DNAH5: variants seen among roughly 807,000 people sequenced by gnomAD.
The protein encoded by DNAH5 is dynein axonemal heavy chain 5.
Under a neutral mutation model 518.2 loss-of-function variants are expected in DNAH5, and 372 were observed. The ratio of observed to expected loss-of-function variants is 0.72; its 90% CI spans 0.66 to 0.78. The LOEUF is 0.78. Among genes scored for constraint, DNAH5 ranks in the 30% least tolerant of loss-of-function variants. The pLI is 0.00. For missense variants in DNAH5, 5,523 were observed against 5,687.0 expected (o/e 0.97, Z 0.93); for synonymous variants, 2,039 against 2,025.9 (o/e 1.01, Z -0.17).
Position 13,770,910 on chromosome 5 carries a change from G to C in DNAH5, c.9444C>G (p.Cys3148Trp). ...CCACCCCATCCTGGAAGGAGCCCAT[G>C]CATTGGACCACCTCCTTCTTGATTT... ...SLEIKKEVVQ[C>W]MGSFQDGVAE... The change falls in exon 56 of 79, where the codon TGC becomes TGG. Residue 3148 changes from cysteine to tryptophan, a missense_variant. Cys to Trp is a radical substitution (Grantham distance 215). Transcript: ENST00000265104. 6.2e-7 allele frequency: 1 copy of C among 1,614,124 alleles called. No homozygotes were observed. The highest frequency in any genetic ancestry group is 8.5e-7 in the Non-Finnish European group (1 of 1,180,000).
At chr5:13,822,231 G>C (rs1161166138) in intron 40 of DNAH5, among the ~76,000 whole-genome samples, 3 of 145,112 alleles carry the variant, frequency 2.1e-5, no homozygotes, top group Admixed American at 2.0e-4. Flanking sequence ...GCTACATTTT[G>C]ATTTCCTTTT....
At chr5:13,754,138 G>A in intron 62 of DNAH5, 65 bp downstream of exon 62, 1 of 1,593,176 alleles carries the variant, frequency 6.3e-7, no homozygotes, top group Non-Finnish European at 8.6e-7. Context: ...TTTGATTAAA[G>A]TATAAGCTTT....
rs112128031 is a variant in DNAH5, at chr5:13,902,263, G to T, written c.1645-125C>A. 9.2e-3 allele frequency: 6,496 copies of T among 706,950 alleles called. 81 individuals are homozygous for T. Among genetic ancestry groups the T allele is most frequent in the Middle Eastern group, 0.04 (152 of 3,846 alleles). 43.8% of individuals were successfully genotyped at this position (706,950 alleles called of 1,614,324 possible). ...ATGGAACAAAATGTAACCGAAAATT[G>T]AATGAGCTTAAAAGAAAAATAAATG... is the stretch of plus-strand genomic sequence containing the variant. On this transcript the variant is annotated intron_variant, in intron 12 of 78. Transcript: ENST00000265104.
chr5:13,816,431 T>TA (rs1761448282), intron 42 of DNAH5, among the ~76,000 whole-genome samples: 1 of 151,842 alleles, frequency 6.6e-6, no homozygotes, highest in African/African-American at 2.4e-5. Context: ...CTATTTAAAA[T>TA]AAAATGCTTT....
At chr5:13,781,058 G>C in intron 52 of DNAH5, 99 bp from the exon 53 acceptor site, 1 of 1,349,438 alleles carries the variant, frequency 7.4e-7, no homozygotes, top group Non-Finnish European at 1.0e-6. Context: ...TATTATTTTG[G>C]AAGATATAGG....
At chr5:13,893,916 G>GAAA (rs55894242) in intron 16 of DNAH5, among the ~76,000 whole-genome samples, 14 of 127,372 alleles carry the variant, frequency 1.1e-4, no homozygotes, top group Admixed American at 1.6e-4. Context: ...GTCTTTCTGA[G>GAAA]AAAAAAAAAA....
intron 29 of DNAH5, among the ~76,000 whole-genome samples, chr5:13,859,987 A>AT (rs1768171729): frequency 6.6e-6 from 1 of 152,146 alleles, no homozygotes; most frequent in African/African-American, 2.4e-5. Context: ...TTCATATAAT[A>AT]TGGAGCTTTT....
chr5:13,755,991 T>C (rs144702324), intron 61 of DNAH5, among the ~76,000 whole-genome samples: 1 of 152,018 alleles, frequency 6.6e-6, no homozygotes, highest in Non-Finnish European at 1.5e-5. Flanking sequence ...GTTCCGTGAG[T>C]TCCCCCCAGC....
chr5:13,954,450 G>T (rs1251587822), intron 1 of DNAH5, among the ~76,000 whole-genome samples: 1 of 152,204 alleles, frequency 6.6e-6, no homozygotes, highest in South Asian at 2.1e-4. Context: ...ATAAAACTCA[G>T]TTTTGAAGTT....
intron 76 of DNAH5, among the ~76,000 whole-genome samples, chr5:13,706,564 A>G (rs548740743): frequency 3.3e-5 from 5 of 152,320 alleles, no homozygotes; most frequent in African/African-American, 1.2e-4. Context: ...ACATCTCCCC[A>G]TAACATGGGT....
intron 21 of DNAH5, among the ~76,000 whole-genome samples, chr5:13,882,024 G>A (rs1771746449): frequency 6.6e-6 from 1 of 151,954 alleles, no homozygotes. Flanking sequence ...AAATTATCAT[G>A]AGAATGCTAA....
At chr5:13,744,649 G>A (rs182921194) in intron 65 of DNAH5, among the ~76,000 whole-genome samples, 6 of 151,920 alleles carry the variant, frequency 3.9e-5, no homozygotes, top group Admixed American at 6.6e-5. Context: ...AAATTTACAC[G>A]TACAGGGTGG....
intron 12 of DNAH5, among the ~76,000 whole-genome samples, chr5:13,905,759 A>G (rs1309275075): frequency 6.6e-6 from 1 of 152,212 alleles, no homozygotes; most frequent in Non-Finnish European, 1.5e-5. Context: ...TGATCCAGCA[A>G]TCATACTTCT....
intron 30 of DNAH5, among the ~76,000 whole-genome samples, chr5:13,859,002 T>A (rs992303599): frequency 1.3e-5 from 2 of 152,148 alleles, no homozygotes; most frequent in Non-Finnish European, 2.9e-5. Context: ...TTTTGGAGAT[T>A]TTTTCTGCAC....
chr5:13,893,354 C>G (rs1009678145), intron 16 of DNAH5, among the ~76,000 whole-genome samples: 6 of 151,980 alleles, frequency 3.9e-5, no homozygotes, highest in Non-Finnish European at 7.4e-5. Flanking sequence ...GGGGTAGGAA[C>G]AGGGTTACAG....
At chr5:13,803,633 G>C (rs539303837) in intron 47 of DNAH5, among the ~76,000 whole-genome samples, 1 of 152,164 alleles carries the variant, frequency 6.6e-6, no homozygotes, top group Non-Finnish European at 1.5e-5. Flanking sequence ...CATTTTAAGA[G>C]AGCTTTATGA....
Position 13,868,001 on chromosome 5 carries a change from A to G in DNAH5, c.3835-9T>C, listed in dbSNP as rs1769534931. 15 of 1,611,138 alleles carry G rather than the reference A, an allele frequency of 9.3e-6. No individual in the cohort carries two copies. In the East Asian group the frequency reaches 3.1e-4, roughly 34 times the overall value. On this transcript the variant is annotated splice_polypyrimidine_tract_variant and intron_variant, in intron 24 of 78. Transcript: ENST00000265104. ...AGCAGGGCATAAGATTCCTAAAAAAAAATAGGAAAAACTTAATTTTGGCCA... is the reference window on the plus strand; with the variant it reads ...AGCAGGGCATAAGATTCCTAAAAAAGAATAGGAAAAACTTAATTTTGGCCA...
At chr5:13,852,460 C>A (rs1407329560) in intron 30 of DNAH5, among the ~76,000 whole-genome samples, 5 of 141,500 alleles carry the variant, frequency 3.5e-5, no homozygotes, top group Non-Finnish European at 1.6e-5. Context: ...AGCCACCACG[C>A]CCAGCCAGTT....
chr5:13,823,333 T>G lies in DNAH5; in HGVS notation c.6617A>C (p.Glu2206Ala). 1 of 1,613,872 alleles carries G rather than the reference T, an allele frequency of 6.2e-7. No individual in the cohort carries two copies. The highest frequency in any genetic ancestry group is 2.2e-5 in the East Asian group (1 of 44,878). The change falls in exon 40 of 79, where the codon GAA becomes GCA. Residue 2206 changes from glutamate to alanine, a missense_variant. Glu to Ala is a moderately radical substitution (Grantham distance 107). Transcript: ENST00000265104. ...CAGAAGAATATTTGGAAAGAGATCT[T>G]CAATCAAACTCAAAAACAAGGGTTC... is the stretch of plus-strand genomic sequence containing the variant. The part of the protein sequence containing the change: ...EDEPLFLSLI[E>A]DLFPNILLDK...
Sources: allele counts gnomAD v4.1 joint callset (sites outside exome capture counted in the v4.1 genomes callset), GRCh38; gene constraint gnomAD v4.1.1; transcripts MANE v1.5; gene names NCBI Gene and HGNC (gene_info 2026-07-23, HGNC 2026-07-21).